Variants in GLI2 observed in about 807,000 individuals in gnomAD.
GLI2 encodes GLI family zinc finger 2, also known as transcription activator GLI2.
A neutral mutation model predicts 78.9 loss-of-function variants in GLI2; 22 were observed. That is an observed-to-expected ratio of 0.28 (90% CI 0.20 to 0.40). GLI2 has a LOEUF of 0.40. Ranked by LOEUF, GLI2 falls within the 10% of genes least tolerant of loss-of-function variation. The probability of loss-of-function intolerance (pLI) is 1.00; values close to 1 mark genes in which losing one functional copy is unlikely to be tolerated. For missense variants in GLI2, 2,097 were observed against 2,213.2 expected (o/e 0.95, Z 1.05); for synonymous variants, 974 against 963.7 (o/e 1.01, Z -0.20).
At chr2:120,840,704 C>T (rs1485994059) in intron 2 of GLI2, among the ~76,000 whole-genome samples, 8 of 152,194 alleles carry the variant, frequency 5.3e-5, no homozygotes, top group Non-Finnish European at 7.3e-5. Context: ...CCAGCAGAGG[C>T]GTGAGAAGCC....
intron 7 of GLI2, among the ~76,000 whole-genome samples, chr2:120,971,720 G>A (rs1470235503): frequency 6.6e-6 from 1 of 152,230 alleles, no homozygotes; most frequent in African/African-American, 2.4e-5. Flanking sequence ...GGGAGGCGGT[G>A]ATGGAGAGAT....
intron 13 of GLI2, among the ~76,000 whole-genome samples, chr2:120,987,666 C>A (rs2105082197): frequency 6.6e-6 from 1 of 152,314 alleles, no homozygotes; most frequent in African/African-American, 2.4e-5. Flanking sequence ...GTGGCACCAC[C>A]TCCACAGACT....
chr2:120,841,745 G>A (rs1686881128), intron 2 of GLI2, among the ~76,000 whole-genome samples: 2 of 152,214 alleles, frequency 1.3e-5, no homozygotes, highest in Non-Finnish European at 1.5e-5. Context: ...GTATGGTGGG[G>A]GAGAGGCCTG....
chr2:120,778,517 G>A (rs1044018973), intron 1 of GLI2, among the ~76,000 whole-genome samples: 1 of 152,212 alleles, frequency 6.6e-6, no homozygotes, highest in African/African-American at 2.4e-5. Flanking sequence ...GCGTGTGAAC[G>A]GTGAGGGCAG....
intron 1 of GLI2, among the ~76,000 whole-genome samples, chr2:120,758,980 T>C (rs1401784874): frequency 6.6e-6 from 1 of 152,118 alleles, no homozygotes; most frequent in Non-Finnish European, 1.5e-5. Flanking sequence ...CCAGGCCCTT[T>C]CTGTGCCCAA....
chr2:120,912,293 A>C (rs1388234438), intron 2 of GLI2, among the ~76,000 whole-genome samples: 1 of 105,272 alleles, frequency 9.5e-6, no homozygotes, highest in African/African-American at 5.9e-5. Context: ...TTTTTTTTTG[A>C]TGTCAGGAAG....
intron 2 of GLI2, among the ~76,000 whole-genome samples, chr2:120,804,643 G>A (rs1424877640): frequency 2.6e-5 from 4 of 152,254 alleles, no homozygotes; most frequent in African/African-American, 4.8e-5. Context: ...TTTTCAGGAC[G>A]GCTGTTGATG....
At chr2:120,856,930 C>A (rs970301282) in intron 2 of GLI2, among the ~76,000 whole-genome samples, 2 of 152,092 alleles carry the variant, frequency 1.3e-5, no homozygotes, top group African/African-American at 4.8e-5. Flanking sequence ...CAGAGGCCCT[C>A]TGATTTATAT....
chr2:120,984,864 T>G, intron 12 of GLI2, 121 bp downstream of exon 12: 1 of 999,412 alleles, frequency 1.0e-6, no homozygotes, highest in East Asian at 2.6e-5. Flanking sequence ...GCGATATCCC[T>G]CCTCTCTCCA....
intron 1 of GLI2, among the ~76,000 whole-genome samples, chr2:120,777,161 A>G (rs549489779): frequency 1.3e-5 from 2 of 152,188 alleles, no homozygotes; most frequent in Non-Finnish European, 2.9e-5. Flanking sequence ...GTGTGTCTTT[A>G]GGAACATATG....
At chr2:120,770,105 C>A (rs953093653) in intron 1 of GLI2, among the ~76,000 whole-genome samples, 3 of 152,174 alleles carry the variant, frequency 2.0e-5, no homozygotes, top group African/African-American at 7.2e-5. Flanking sequence ...ATTCAGGGAT[C>A]CAAATCACAA....
chr2:120,778,223 G>GCTCCCGATTCTCCTCC (rs1295340698), intron 1 of GLI2, among the ~76,000 whole-genome samples: 1 of 152,100 alleles, frequency 6.6e-6, no homozygotes, highest in Non-Finnish European at 1.5e-5. Flanking sequence ...TGGCCTCCTC[G>GCTCCCGATTCTCCTCC]CTCCCGATTC....
At chr2:120,790,150 G>C (rs1172746874) in intron 1 of GLI2, among the ~76,000 whole-genome samples, 1 of 152,164 alleles carries the variant, frequency 6.6e-6, no homozygotes, top group Non-Finnish European at 1.5e-5. Context: ...TTCCAGATGT[G>C]TCTCCCTTCG....
In GLI2 at chr2:120,989,098, C is replaced by T. The variant is rs1573740828; in HGVS notation, c.3133C>T (p.Leu1045Phe). ...DLGLPEDDLV[L>F]PDDVVQYIKA... ...GGGGCTGCCGGAGGACGACCTGGTG[C>T]TTCCAGACGACGTGGTGCAGTACAT... Residue 1045 changes from leucine to phenylalanine, a missense_variant, in exon 14 of 14, where the codon CTT (leucine) becomes TTT (phenylalanine). Transcript: ENST00000361492. 1.2e-6 allele frequency: 2 copies of T among 1,612,588 alleles called. No individual in the cohort carries two copies. The highest frequency in any genetic ancestry group is 1.7e-6 in the Non-Finnish European group (2 of 1,179,912).
At chr2:120,758,155 C>A (rs1489515607) in intron 1 of GLI2, among the ~76,000 whole-genome samples, 1 of 152,178 alleles carries the variant, frequency 6.6e-6, no homozygotes, top group Non-Finnish European at 1.5e-5. Flanking sequence ...GGGGCAGGGA[C>A]ATCTCACCAC....
chr2:120,875,589 T>G (rs1688697540), intron 2 of GLI2, among the ~76,000 whole-genome samples: 1 of 152,228 alleles, frequency 6.6e-6, no homozygotes, highest in African/African-American at 2.4e-5. Context: ...TGCTGCTGTT[T>G]ATGGAGCACT....
intron 1 of GLI2, among the ~76,000 whole-genome samples, chr2:120,781,504 C>T (rs868387191): frequency 1.9e-4 from 29 of 152,246 alleles, no homozygotes; most frequent in Middle Eastern, 6.8e-3. Flanking sequence ...GAGTCAGGCT[C>T]GATTTATAGT....
At chr2:120,904,051 C>T (rs555153840) in intron 2 of GLI2, among the ~76,000 whole-genome samples, 35 of 151,948 alleles carry the variant, frequency 2.3e-4, no homozygotes, top group Admixed American at 7.9e-4. Flanking sequence ...GGAGGCTGTC[C>T]CCCTCCCCCA....
intron 2 of GLI2, among the ~76,000 whole-genome samples, chr2:120,900,000 C>T (rs1034738528): frequency 2.6e-5 from 4 of 152,184 alleles, no homozygotes; most frequent in East Asian, 1.9e-4. Flanking sequence ...GGAGGATTTG[C>T]GTCTCTAGCA....
Sources: allele counts gnomAD v4.1 joint callset (sites outside exome capture counted in the v4.1 genomes callset), GRCh38; gene constraint gnomAD v4.1.1; transcripts MANE v1.5; gene names NCBI Gene and HGNC (gene_info 2026-07-23, HGNC 2026-07-21).